TRERF1: variants seen among roughly 807,000 people sequenced by gnomAD.
TRERF1 encodes transcriptional regulating factor 1.
A neutral mutation model predicts 122.9 loss-of-function variants in TRERF1; 27 were observed. The observed-to-expected ratio is 0.22, with a 90% CI of 0.16 to 0.30. TRERF1 has a LOEUF of 0.30. Among genes scored for constraint, TRERF1 ranks in the 10% least tolerant of loss-of-function variants. The pLI, the probability that TRERF1 is intolerant of heterozygous loss-of-function variation, is 1.00. For synonymous variants in TRERF1, 636 were observed against 641.7 expected, an observed-to-expected ratio of 0.99 and a Z score of 0.13; for missense variants, 1,248 against 1,560.3, an observed-to-expected ratio of 0.80 and a Z score of 3.37.
intron 4 of TRERF1, among the ~76,000 whole-genome samples, chr6:42,277,960 GA>G (rs1781576794): frequency 6.8e-6 from 1 of 148,044 alleles, no homozygotes; most frequent in Non-Finnish European, 1.5e-5. Context: ...AGAAGAAGAA[GA>G]AGAAGAAGAA....
intron 3 of TRERF1, among the ~76,000 whole-genome samples, chr6:42,343,519 T>C (rs1042746725): frequency 7.2e-5 from 11 of 152,176 alleles, no homozygotes; most frequent in Non-Finnish European, 1.6e-4. Context: ...TATGAGGTTG[T>C]AGGGGGAGCC....
chr6:42,336,373 G>A (rs1766176318), intron 3 of TRERF1, among the ~76,000 whole-genome samples: 1 of 152,134 alleles, frequency 6.6e-6, no homozygotes, highest in Non-Finnish European at 1.5e-5. Flanking sequence ...CCTGGGTCTT[G>A]AGAGGTTCCC....
chr6:42,262,469 G>C (rs1187977633), intron 8 of TRERF1, among the ~76,000 whole-genome samples: 9 of 1,228 alleles, frequency 7.3e-3, no homozygotes, highest in Non-Finnish European at 0.011. Context: ...AGAGAGAGGA[G>C]AGAGAGAGAG....
rs1561875595 is a variant in TRERF1, at chr6:42,269,360, C to T, written c.231G>A (p.Met77Ile). 1.2e-6 allele frequency: 2 copies of T among 1,614,194 alleles called. No individual in the cohort carries two copies. Among genetic ancestry groups the T allele is most frequent in the Non-Finnish European group, 1.7e-6 (2 of 1,180,028 alleles). Reference sequence around the variant, plus strand: ...CCCACCCTCCCTGCCTCGAGGTATCCATTTGGCCAAGGTTTTTGGAGCCAA... The same window carrying T: ...CCCACCCTCCCTGCCTCGAGGTATCTATTTGGCCAAGGTTTTTGGAGCCAA... Residue 77 changes from methionine to isoleucine, a missense_variant, in exon 5 of 18, where the codon ATG becomes ATA. Met to Ile is a conservative substitution (Grantham distance 10). Around this residue, in one of 5 missense-constraint regions of TRERF1, gnomAD observed 946 missense variants for 1,073.0 expected, o/e 0.88. Transcript: ENST00000372922. The surrounding 1 kb of genome is among the most constrained non-coding windows in gnomAD (Gnocchi z 4.9).
At chr6:42,241,939 T>C (rs1318349062) in intron 15 of TRERF1, among the ~76,000 whole-genome samples, 16 of 152,030 alleles carry the variant, frequency 1.1e-4, no homozygotes, top group Admixed American at 1.0e-3. Context: ...TACAAAAAAT[T>C]AAAATATGAG....
intron 13 of TRERF1, among the ~76,000 whole-genome samples, chr6:42,253,849 A>G (rs1776257391): frequency 1.3e-5 from 2 of 152,228 alleles, no homozygotes; most frequent in African/African-American, 4.8e-5. Context: ...GAAAACGTAT[A>G]GCTAGGTCCC....
intron 4 of TRERF1, among the ~76,000 whole-genome samples, chr6:42,280,548 A>G (rs1782123888): frequency 6.6e-6 from 1 of 152,210 alleles, no homozygotes; most frequent in Non-Finnish European, 1.5e-5. Flanking sequence ...AGAAGCCTCT[A>G]TGCCCTGCAG....
At chr6:42,383,987 ACCACTGTGTT>A (rs1200547734) in intron 2 of TRERF1, among the ~76,000 whole-genome samples, 1 of 151,634 alleles carries the variant, frequency 6.6e-6, no homozygotes, top group Non-Finnish European at 1.5e-5. Flanking sequence ...AGACATCCTC[ACCACTGTGTT>A]GGTGAGGATG....
chr6:42,404,729 T>A (rs1779926867), intron 2 of TRERF1, among the ~76,000 whole-genome samples: 1 of 152,110 alleles, frequency 6.6e-6, no homozygotes, highest in African/African-American at 2.4e-5. Flanking sequence ...GATTCCTGCT[T>A]CCTATCAGAG....
chr6:42,444,370 C>T (rs540598734), intron 2 of TRERF1, among the ~76,000 whole-genome samples: 2 of 152,202 alleles, frequency 1.3e-5, no homozygotes, highest in East Asian at 1.9e-4. Flanking sequence ...TCACTCTTTC[C>T]TCTGTGCCGC....
At chr6:42,335,597 G>C (rs567473128) in intron 3 of TRERF1, among the ~76,000 whole-genome samples, 1 of 152,160 alleles carries the variant, frequency 6.6e-6, no homozygotes, top group Non-Finnish European at 1.5e-5. Context: ...ACATGAGTGC[G>C]GATGGGGCGT....
At chr6:42,258,236 G>A (rs1777116067) in intron 9 of TRERF1, 35 bp from the exon 10 acceptor site, 1 of 1,599,732 alleles carries the variant, frequency 6.3e-7, no homozygotes, top group Non-Finnish European at 8.6e-7. Context: ...CTAGTCAACA[G>A]GGAAGGAATG....
At chr6:42,271,518 T>C (rs961204607) in intron 4 of TRERF1, among the ~76,000 whole-genome samples, 7 of 152,156 alleles carry the variant, frequency 4.6e-5, no homozygotes, top group Non-Finnish European at 8.8e-5. Flanking sequence ...TAATTCAAGC[T>C]ATGCACTATG....
chr6:42,228,747 A>ATGGG lies in TRERF1; in HGVS notation c.3279-82_3279-79dup. Reference sequence around the variant, plus strand: ...TGGAAATCCAGGTGTCCTACGGGGAATGGGGGTGTGTGGTCTGACAAAGTC... The same window carrying ATGGG: ...TGGAAATCCAGGTGTCCTACGGGGAATGGGTGGGGGTGTGTGGTCTGACAAAGTC... On this transcript the variant is annotated intron_variant, in intron 17 of 17. Coordinates refer to ENST00000372922, the Ensembl canonical transcript of TRERF1. The surrounding 1 kb of genome is among the most constrained non-coding windows in gnomAD (Gnocchi z 4.2). 7.0e-7 allele frequency: 1 copy of ATGGG among 1,428,568 alleles called. No homozygotes were observed. Among genetic ancestry groups the ATGGG allele is most frequent in the Non-Finnish European group, 9.4e-7 (1 of 1,060,808 alleles). 88.5% of individuals were successfully genotyped at this position (1,428,568 alleles called of 1,614,324 possible).
intron 4 of TRERF1, among the ~76,000 whole-genome samples, chr6:42,292,609 G>A (rs1229523619): frequency 2.6e-5 from 4 of 152,174 alleles, no homozygotes; most frequent in Non-Finnish European, 1.5e-5. Context: ...TTCAAGGGGT[G>A]CAAAAGAGGG....
At chr6:42,369,606 TAAAC>T (rs1177497985) in intron 2 of TRERF1, among the ~76,000 whole-genome samples, 2 of 152,150 alleles carry the variant, frequency 1.3e-5, no homozygotes, top group South Asian at 2.1e-4. Flanking sequence ...ACTTTTTTTT[TAAAC>T]AAACAAACAA....
At chr6:42,309,458 C>A (rs628634) in intron 3 of TRERF1, among the ~76,000 whole-genome samples, 116,312 of 152,142 alleles carry the variant, frequency 0.76, 44,938 homozygotes, top group East Asian at 0.91. Flanking sequence ...GGTTCTTCAA[C>A]AAGCTCTTTC....
intron 3 of TRERF1, among the ~76,000 whole-genome samples, chr6:42,311,161 A>G (rs1340813208): frequency 6.6e-6 from 1 of 152,236 alleles, no homozygotes. Context: ...GTGGAGGAGA[A>G]TAACAATATA....
At position 42,263,017 on chromosome 6, in the gene TRERF1, G is replaced by A. The variant is rs114945932; in HGVS notation, c.1884+303C>T. On this transcript the variant is annotated intron_variant, in intron 8 of 17. Coordinates refer to ENST00000372922, the Ensembl canonical transcript of TRERF1. This position sits in a 1 kb window ranked among gnomAD's most constrained non-coding sequence, Gnocchi z 5.6. The stretch of plus-strand genomic sequence containing the variant: ...CTCAGTGACTCCCAGCTGAATGATC[G>A]TCTCTGTTTAAACCTGGGAACACTT... Among the ~76,000 whole-genome samples, 94 of 152,284 alleles carry A rather than the reference G, an allele frequency of 6.2e-4. No individual in the cohort carries two copies. The highest frequency in any genetic ancestry group is 2.2e-3 in the African/African-American group (90 of 41,558).
Sources: gnomAD v4.1 joint callset for allele counts (sites outside exome capture counted in the v4.1 genomes callset) on GRCh38, gnomAD v4.1.1 for gene constraint, gnomAD v4.1.1 regional missense constraint, Gnocchi (gnomAD v3.1) non-coding constraint, MANE v1.5 for transcripts, NCBI Gene and HGNC (gene_info 2026-07-23, HGNC 2026-07-21) for gene names.